The following SIM2 variants were observed in gnomAD, a reference collection of about 807,000 sequenced individuals.
The protein encoded by SIM2 is single-minded homolog 2.
Under a neutral mutation model 64.8 loss-of-function variants are expected in SIM2, and 28 were observed. The ratio of observed to expected loss-of-function variants is 0.43; its 90% CI spans 0.32 to 0.59. The LOEUF (loss-of-function observed/expected upper bound fraction) is 0.59, where lower values mean the gene tolerates loss of function less well. SIM2 is among the 20% of genes least tolerant of loss of function. SIM2 has a pLI of 0.07. For synonymous variants in SIM2, 408 were observed against 391.1 expected (o/e 1.04, Z -0.51); for missense variants, 847 against 871.4 (o/e 0.97, Z 0.35).
At chr21:36,710,861 G>A (rs1443456871) in intron 2 of SIM2, among the ~76,000 whole-genome samples, 1 of 152,172 alleles carries the variant, frequency 6.6e-6, no homozygotes, top group Non-Finnish European at 1.5e-5. Flanking sequence ...GCCTCTGCTC[G>A]CCCTCCTCCA....
At chr21:36,744,607 G>C in intron 9 of SIM2, 121 bp from the exon 10 acceptor site, 3 of 1,239,628 alleles carry the variant, frequency 2.4e-6, no homozygotes, top group Non-Finnish European at 3.3e-6. Flanking sequence ...TTGCAGTGGT[G>C]GCGAGGGTAG....
Position 36,745,175 on chromosome 21 carries a change from C to G in SIM2, c.1576+39C>G, listed in dbSNP as rs747032214. 1.9e-6 allele frequency: 3 copies of G among 1,578,024 alleles called. No homozygotes were observed. In the African/African-American group the frequency reaches 4.0e-5, roughly 21 times the overall value. ...GCTCGTGGGGAAGGTGGGAGGACTG[C>G]GCACGGCCGGGAGCCGAAGCAGCCA... On this transcript the variant is annotated intron_variant, in intron 10 of 10. Coordinates refer to ENST00000290399, the MANE Select transcript of SIM2 (RefSeq NM_005069.6). The surrounding 1 kb of genome is among the most constrained non-coding windows in gnomAD (Gnocchi z 4.8).
chr21:36,743,850 G>T (rs1187319172), intron 9 of SIM2, among the ~76,000 whole-genome samples: 1 of 152,244 alleles, frequency 6.6e-6, no homozygotes, highest in East Asian at 1.9e-4. Flanking sequence ...CCACGGGTTA[G>T]ATTCTAGACT....
At chr21:36,708,063 G>T (rs1178113393) in intron 1 of SIM2, among the ~76,000 whole-genome samples, 1 of 152,214 alleles carries the variant, frequency 6.6e-6, no homozygotes, top group Non-Finnish European at 1.5e-5. Flanking sequence ...CTCGTGGGCC[G>T]GGAGACGCCG....
chr21:36,708,581 A>G (rs2088623752), intron 1 of SIM2, among the ~76,000 whole-genome samples: 1 of 152,122 alleles, frequency 6.6e-6, no homozygotes, highest in Admixed American at 6.5e-5. Context: ...GATTGGAAGG[A>G]GGACCGCGCT....
chr21:36,728,565 G>A (rs1159786904), intron 6 of SIM2, among the ~76,000 whole-genome samples: 1 of 152,228 alleles, frequency 6.6e-6, no homozygotes, highest in East Asian at 1.9e-4. Flanking sequence ...CAGATCTCTG[G>A]TTGTTCCTGC....
At chr21:36,713,121 T>A (rs2088699059) in intron 3 of SIM2, among the ~76,000 whole-genome samples, 1 of 152,266 alleles carries the variant, frequency 6.6e-6, no homozygotes, top group South Asian at 2.1e-4. Context: ...TCATTTTTCC[T>A]GACTTTTTCC....
chr21:36,700,480 T>C (rs2088475532), intron 1 of SIM2, among the ~76,000 whole-genome samples: 1 of 152,156 alleles, frequency 6.6e-6, no homozygotes, highest in Admixed American at 6.5e-5. Context: ...ACTCTGGTTT[T>C]GCTTTCTTTC....
rs1179063127 is a variant in SIM2 at position 36,749,425 on chromosome 21, A to G, written c.*1333A>G. The G allele has an allele frequency of 6.6e-6, 1 of 150,398 alleles. No individual in the cohort carries two copies. Among genetic ancestry groups the G allele is most frequent in the African/African-American group, 2.5e-5 (1 of 40,654 alleles). The allele number at this position is 150,398 out of a possible 1,614,324, so 9.3% of individuals were successfully genotyped here. A position where few individuals can be genotyped will look rare whatever the true frequency, so the allele number is the denominator to read the frequency against. On this transcript the variant is annotated 3_prime_UTR_variant, in exon 11 of 11. Coordinates refer to ENST00000290399, the MANE Select transcript of SIM2 (RefSeq NM_005069.6). ...TCTAAAATCAAGTGCACCTACACCAACTGCTCTCAAAATGTGAACTGACTT... is the reference window on the plus strand; with the variant it reads ...TCTAAAATCAAGTGCACCTACACCAGCTGCTCTCAAAATGTGAACTGACTT...
rs534620315 is a variant in SIM2 at position 36,721,072 on chromosome 21, A to G, written c.457+1143A>G. 5.3e-5 allele frequency among the ~76,000 whole-genome samples: 8 copies of G among 152,276 alleles called. 1 individual carries two copies. The East Asian group carries it at 1.5e-3, about 29-fold the overall frequency. ...CTGGGAAGAGAGAATACAAAATAGC[A>G]CACACAGTTGTAAAATCCCTTGCAG... On this transcript the variant is annotated intron_variant, in intron 4 of 10. Transcript: ENST00000290399.
At chr21:36,723,530 T>G (rs916375085) in intron 5 of SIM2, among the ~76,000 whole-genome samples, 7 of 152,212 alleles carry the variant, frequency 4.6e-5, no homozygotes, top group Admixed American at 4.6e-4. Flanking sequence ...CCAAGTTCCC[T>G]GCCGCCGATG....
chr21:36,706,465 G>A (rs1203516397), intron 1 of SIM2, among the ~76,000 whole-genome samples: 1 of 152,206 alleles, frequency 6.6e-6, no homozygotes. Context: ...AGTGCTGGGA[G>A]CCGCTAACCC....
intron 4 of SIM2, among the ~76,000 whole-genome samples, chr21:36,721,578 T>A (rs1342105971): frequency 6.6e-6 from 1 of 152,092 alleles, no homozygotes; most frequent in African/African-American, 2.4e-5. Context: ...GTAGCTGGGA[T>A]TACAGGTGCC....
Position 36,734,939 on chromosome 21 carries a change from C to T in SIM2, c.850+3788C>T, listed in dbSNP as rs547933855. Among the ~76,000 whole-genome samples the T allele has an allele frequency of 3.9e-5, 6 of 152,308 alleles. No individual in the cohort carries two copies. The South Asian group carries it at 1.2e-3, about 32-fold the overall frequency. On this transcript the variant is annotated intron_variant, in intron 7 of 10. Coordinates refer to ENST00000290399, the MANE Select transcript of SIM2 (RefSeq NM_005069.6). ...TGATTTCCTGAAACTCCAGAAGCTGCCCCAGAGCCTGGAGTTGAAGTGCAA... is the reference window on the plus strand; with the variant it reads ...TGATTTCCTGAAACTCCAGAAGCTGTCCCAGAGCCTGGAGTTGAAGTGCAA...
In SIM2 at chr21:36,731,112, G is replaced by A. The variant is rs769091808; in HGVS notation, c.811G>A (p.Gly271Ser). 29 of 1,613,888 alleles carry A rather than the reference G, an allele frequency of 1.8e-5. 1 individual carries two copies. In the South Asian group the frequency reaches 1.9e-4, roughly 10 times the overall value. ...GAAGACCCTATACCATCACGTGCACGGCTGCGACGTGTTCCACCTCCGCTA... is the reference window on the plus strand; with the variant it reads ...GAAGACCCTATACCATCACGTGCACAGCTGCGACGTGTTCCACCTCCGCTA... The part of the protein sequence containing the change: ...IEKTLYHHVH[G>S]CDVFHLRYAH... The change falls in exon 7 of 11, where the codon GGC (glycine) becomes AGC (serine). Residue 271 changes from glycine to serine, a missense_variant. Around this residue, in one of 3 missense-constraint regions of SIM2, gnomAD observed 397 missense variants for 439.2 expected, o/e 0.90. Transcript: ENST00000290399.
At position 36,731,134 on chromosome 21, in the gene SIM2, G is replaced by A. The variant is rs199502401; in HGVS notation, c.833G>A (p.Arg278His). 29 of 1,613,736 alleles carry A rather than the reference G, an allele frequency of 1.8e-5. No homozygotes were observed. The highest frequency in any genetic ancestry group is 1.3e-4 in the East Asian group (6 of 44,876). The change falls in exon 7 of 11, where the codon CGC (arginine) becomes CAC (histidine). Residue 278 changes from arginine (R) to histidine (H), a missense_variant. Physicochemically the swap from Arg to His is conservative, Grantham distance 29. Transcript: ENST00000290399. ...HVHGCDVFHL[R>H]YAHHLLLVKG... ...CACGGCTGCGACGTGTTCCACCTCC[G>A]CTACGCACACCACCTCCGTGAGTAG...
At position 36,726,270 on chromosome 21, in the gene SIM2, T is replaced by A; in HGVS notation, c.695T>A (p.Phe232Tyr). The change falls in exon 6 of 11, where the codon TTC (phenylalanine) becomes TAC (tyrosine). Residue 232 changes from phenylalanine to tyrosine, a missense_variant. Phe to Tyr is a conservative substitution (Grantham distance 22). Around this residue, in one of 3 missense-constraint regions of SIM2, gnomAD observed 397 missense variants for 439.2 expected, o/e 0.90. Coordinates refer to ENST00000290399, the MANE Select transcript of SIM2 (RefSeq NM_005069.6). This position sits in a 1 kb window ranked among gnomAD's most constrained non-coding sequence, Gnocchi z 4.5. ...GAGATCAAGCTGTACAGTAACATGT[T>A]CATGTTCAGGGCCAGCCTTGACCTG... ...ITEIKLYSNM[F>Y]MFRASLDLKL... 1 of 1,613,726 alleles carries A rather than the reference T, an allele frequency of 6.2e-7. No individual in the cohort carries two copies. The highest frequency in any genetic ancestry group is 8.5e-7 in the Non-Finnish European group (1 of 1,180,014).
At chr21:36,742,428 T>C (rs1462710834) in intron 8 of SIM2, among the ~76,000 whole-genome samples, 1 of 133,644 alleles carries the variant, frequency 7.5e-6, no homozygotes, top group Non-Finnish European at 1.6e-5. Context: ...TAAAAAAAAA[T>C]ATGTTTTTGT....
intron 7 of SIM2, among the ~76,000 whole-genome samples, chr21:36,732,721 GT>G (rs922406420): frequency 1.3e-5 from 2 of 152,208 alleles, no homozygotes; most frequent in African/African-American, 4.8e-5. Flanking sequence ...ACCAAGCTTG[GT>G]AGAGAAGCAG....
Sources: allele counts gnomAD v4.1 joint callset (sites outside exome capture counted in the v4.1 genomes callset), GRCh38; gene constraint gnomAD v4.1.1; regional missense constraint gnomAD v4.1.1; non-coding constraint Gnocchi (gnomAD v3.1); transcripts MANE v1.5; gene names NCBI Gene and HGNC (gene_info 2026-07-23, HGNC 2026-07-21).